EPAS1: variants seen among roughly 807,000 people sequenced by gnomAD.
EPAS1 encodes the protein endothelial PAS domain protein 1, also known as endothelial PAS domain-containing protein 1.
In EPAS1, 23 loss-of-function variants were observed where a neutral mutation model predicts 87.9. The observed-to-expected ratio is 0.26, with a 90% CI of 0.19 to 0.37. EPAS1 has a LOEUF of 0.37. EPAS1 is among the 10% of genes least tolerant of loss of function. The pLI is 1.00. For missense variants in EPAS1, 1,138 were observed against 1,120.7 expected (o/e 1.02, Z -0.22); for synonymous variants, 508 against 444.3 (o/e 1.14, Z -1.80).
At chr2:46,359,349 A>T (rs1187928301) in intron 4 of EPAS1, among the ~76,000 whole-genome samples, 1 of 150,854 alleles carries the variant, frequency 6.6e-6, no homozygotes, top group Non-Finnish European at 1.5e-5. Flanking sequence ...TACCCCAGCA[A>T]CAGCCACAAA....
chr2:46,306,082 A>G (rs546883509), intron 1 of EPAS1, among the ~76,000 whole-genome samples: 2 of 152,352 alleles, frequency 1.3e-5, no homozygotes, highest in East Asian at 3.9e-4. Flanking sequence ...AAAGTTCAGA[A>G]GCATTTTATA....
chr2:46,330,254 G>C (rs561466259), intron 1 of EPAS1, among the ~76,000 whole-genome samples: 2 of 152,258 alleles, frequency 1.3e-5, no homozygotes, highest in South Asian at 4.2e-4. Flanking sequence ...AGAGATCTGG[G>C]ATAAAAGGCT....
At chr2:46,324,395 C>A (rs1473763085) in intron 1 of EPAS1, among the ~76,000 whole-genome samples, 1 of 152,152 alleles carries the variant, frequency 6.6e-6, no homozygotes, top group African/African-American at 2.4e-5. Flanking sequence ...GAATTGCACA[C>A]CCCACAGTTC....
intron 1 of EPAS1, among the ~76,000 whole-genome samples, chr2:46,298,479 G>T (rs1558578763): frequency 6.6e-6 from 1 of 152,222 alleles, no homozygotes; most frequent in African/African-American, 2.4e-5. Context: ...GGACCCTTCA[G>T]AGCGCCCCGC....
intron 1 of EPAS1, among the ~76,000 whole-genome samples, chr2:46,319,286 T>G (rs1204264278): frequency 6.6e-6 from 1 of 152,230 alleles, no homozygotes; most frequent in African/African-American, 2.4e-5. Context: ...TATGTATGCT[T>G]TGAGCCAGGA....
intron 2 of EPAS1, 24 bp from the exon 3 acceptor site, chr2:46,356,127 T>TGGGGGGGGGGGGGGGGGGGGCC: frequency 7.2e-7 from 1 of 1,395,474 alleles, no homozygotes; most frequent in Non-Finnish European, 9.9e-7. Flanking sequence ...TCATGCAAGC[T>TGGGGGGGGGGGGGGGGGGGGCC]GTCCCACCCC....
rs574650191 is a variant in EPAS1 at position 46,381,017 on chromosome 2, C to T, written c.2045+300C>T. Among the ~76,000 whole-genome samples, 12 of 152,296 alleles carry T rather than the reference C, an allele frequency of 7.9e-5. No individual in the cohort carries two copies. The South Asian group carries it at 2.3e-3, about 29-fold the overall frequency. On this transcript the variant is annotated intron_variant, in intron 12 of 15. Transcript: ENST00000263734. ...TGCCTTTCGTATCTCGGTTCATCAT[C>T]TGAGCCACACAGAAAATTGAGTGAT...
At chr2:46,333,851 T>C (rs1166146314) in intron 1 of EPAS1, among the ~76,000 whole-genome samples, 3 of 151,784 alleles carry the variant, frequency 2.0e-5, no homozygotes, top group Non-Finnish European at 4.4e-5. Flanking sequence ...TGGTCAGTGG[T>C]AAAGAAAGTG....
At position 46,371,462 on chromosome 2, in the gene EPAS1, A is replaced by C. The variant is rs928669345; in HGVS notation, c.886+1529A>C. Reference sequence around the variant, plus strand: ...GAAGTTTCTCACTGTGCTCTCTGGCAAAACACACACGCGCACACACAGACA... The same window carrying C: ...GAAGTTTCTCACTGTGCTCTCTGGCCAAACACACACGCGCACACACAGACA... On this transcript the variant is annotated intron_variant, in intron 7 of 15. Transcript: ENST00000263734. This position sits in a 1 kb window ranked among gnomAD's most constrained non-coding sequence, Gnocchi z 4.3. 6.6e-6 allele frequency among the ~76,000 whole-genome samples: 1 copy of C among 152,196 alleles called. No homozygotes were observed. The highest frequency in any genetic ancestry group is 1.9e-4 in the East Asian group (1 of 5,196).
chr2:46,301,133 A>G (rs560728853), intron 1 of EPAS1, among the ~76,000 whole-genome samples: 61 of 152,326 alleles, frequency 4.0e-4, no homozygotes, highest in African/African-American at 1.4e-3. Context: ...CATCATTTCA[A>G]GTTTTTTTCA....
chr2:46,324,153 G>A (rs1326858510), intron 1 of EPAS1, among the ~76,000 whole-genome samples: 2 of 152,180 alleles, frequency 1.3e-5, no homozygotes, highest in African/African-American at 2.4e-5. Flanking sequence ...TGCAAGCTCC[G>A]CCTTCTGGGT....
intron 1 of EPAS1, among the ~76,000 whole-genome samples, chr2:46,330,584 T>C (rs1683654905): frequency 6.6e-6 from 1 of 152,238 alleles, no homozygotes; most frequent in African/African-American, 2.4e-5. Flanking sequence ...TAAAACAGGC[T>C]CAGTGCCCAT....
At position 46,380,107 on chromosome 2, in the gene EPAS1, G is replaced by GT; in HGVS notation, c.1555-117dup. 8 of 1,551,862 alleles carry GT rather than the reference G, an allele frequency of 5.2e-6. No individual in the cohort carries two copies. The South Asian group carries it at 8.9e-5, about 17-fold the overall frequency. On this transcript the variant is annotated intron_variant, in intron 11 of 15. Coordinates refer to ENST00000263734, the MANE Select transcript of EPAS1 (RefSeq NM_001430.5). This position sits in a 1 kb window ranked among gnomAD's most constrained non-coding sequence, Gnocchi z 4.4. ...TAGGCCCTCGGGAGCCAGTGGAGGC[G>GT]TTTGAGCAGCACTGTGAAACAGTGC...
Position 46,347,134 on chromosome 2 carries a change from C to T in EPAS1, c.217+71C>T, listed in dbSNP as rs1684046202. 1 of 1,556,754 alleles carries T rather than the reference C, an allele frequency of 6.4e-7. No homozygotes were observed. Among genetic ancestry groups the T allele is most frequent in the Admixed American group, 1.7e-5 (1 of 59,864 alleles). ...CAGCATGTTCCTATATGCAGGGGAC[C>T]CTTCTGCTGCCAGAGCTGGAAAGTC... On this transcript the variant is annotated intron_variant, in intron 2 of 15. Transcript: ENST00000263734. This position sits in a 1 kb window ranked among gnomAD's most constrained non-coding sequence, Gnocchi z 4.2.
intron 1 of EPAS1, among the ~76,000 whole-genome samples, chr2:46,336,635 G>A (rs576049059): frequency 2.6e-5 from 4 of 152,320 alleles, no homozygotes; most frequent in South Asian, 2.1e-4. Flanking sequence ...TGGACTTTAC[G>A]TGCCTCAGAT....
At chr2:46,330,377 G>C (rs1190692181) in intron 1 of EPAS1, among the ~76,000 whole-genome samples, 3 of 152,290 alleles carry the variant, frequency 2.0e-5, no homozygotes, top group African/African-American at 7.2e-5. Flanking sequence ...GTAGTGCACT[G>C]TCCCTGAACT....
chr2:46,315,877 A>C (rs570098385), intron 1 of EPAS1, among the ~76,000 whole-genome samples: 1 of 152,372 alleles, frequency 6.6e-6, no homozygotes, highest in East Asian at 1.9e-4. Flanking sequence ...ACACACATCT[A>C]TCTCCATGAA....
At position 46,380,646 on chromosome 2, in the gene EPAS1, C is replaced by T; in HGVS notation, c.1974C>T (p.Arg658=). ...GPTKWAVGDQ[R]TEFLGAAPLG... is the part of the protein sequence containing the mutation. ...CAAAGTGGGCCGTCGGGGATCAGCGCACAGAGTTCTTGGGAGCAGCGCCGT... is the reference window on the plus strand; with the variant it reads ...CAAAGTGGGCCGTCGGGGATCAGCGTACAGAGTTCTTGGGAGCAGCGCCGT... The change falls in exon 12 of 16, where the codon CGC becomes CGT. Residue 658 remains arginine, a synonymous_variant. Coordinates refer to ENST00000263734, the MANE Select transcript of EPAS1 (RefSeq NM_001430.5). This position sits in a 1 kb window ranked among gnomAD's most constrained non-coding sequence, Gnocchi z 4.4. The T allele has an allele frequency of 6.2e-7, 1 of 1,614,156 alleles. No homozygotes were observed. The highest frequency in any genetic ancestry group is 8.5e-7 in the Non-Finnish European group (1 of 1,180,010).
At chr2:46,342,757 A>C (rs1683936451) in intron 1 of EPAS1, among the ~76,000 whole-genome samples, 1 of 152,178 alleles carries the variant, frequency 6.6e-6, no homozygotes, top group East Asian at 1.9e-4. Context: ...AATGACCTAA[A>C]AGTTAAGATG....
Sources: allele counts gnomAD v4.1 joint callset (sites outside exome capture counted in the v4.1 genomes callset), GRCh38; gene constraint gnomAD v4.1.1; non-coding constraint Gnocchi (gnomAD v3.1); transcripts MANE v1.5; gene names NCBI Gene and HGNC (gene_info 2026-07-23, HGNC 2026-07-21).